PDE4D: variants seen among roughly 807,000 people sequenced by gnomAD.
PDE4D encodes the protein 3',5'-cyclic-AMP phosphodiesterase 4D.
A neutral mutation model predicts 87.4 loss-of-function variants in PDE4D; 24 were observed. The ratio of observed to expected loss-of-function variants is 0.27; its 90% CI spans 0.20 to 0.39. The LOEUF (loss-of-function observed/expected upper bound fraction) is 0.39. Ranked by LOEUF, PDE4D falls within the 10% of genes least tolerant of loss-of-function variation. The pLI, the probability that PDE4D is intolerant of heterozygous loss-of-function variation, is 1.00. For missense variants in PDE4D, 714 were observed against 1,041.0 expected (o/e 0.69, Z 4.32); for synonymous variants, 384 against 383.2 (o/e 1.00, Z -0.02).
intron 2 of PDE4D, among the ~76,000 whole-genome samples, chr5:60,022,253 C>T (rs951271627): frequency 2.0e-5 from 3 of 152,116 alleles, no homozygotes; most frequent in Non-Finnish European, 2.9e-5. Context: ...GGGCTAAAAA[C>T]GTTTTTGTAG....
chr5:59,156,714 A>T (rs1346402079), intron 5 of PDE4D, among the ~76,000 whole-genome samples: 3 of 152,112 alleles, frequency 2.0e-5, no homozygotes, highest in East Asian at 3.9e-4. Context: ...GCACAATTTT[A>T]AAAAATTGAA....
intron 1 of PDE4D, among the ~76,000 whole-genome samples, chr5:59,735,147 T>A (rs1286085537): frequency 6.6e-6 from 1 of 152,196 alleles, no homozygotes; most frequent in African/African-American, 2.4e-5. Flanking sequence ...TTCACTTGAA[T>A]GCCAATGGAA....
At chr5:59,679,076 C>G (rs945136182) in intron 1 of PDE4D, among the ~76,000 whole-genome samples, 6 of 152,136 alleles carry the variant, frequency 3.9e-5, no homozygotes, top group Non-Finnish European at 7.4e-5. Flanking sequence ...TTTATTTTCT[C>G]TCATGTGGCA....
At chr5:59,973,999 A>G (rs757010240) in intron 3 of PDE4D, among the ~76,000 whole-genome samples, 11 of 152,170 alleles carry the variant, frequency 7.2e-5, no homozygotes, top group Non-Finnish European at 1.5e-4. Flanking sequence ...ATAGGTTGCT[A>G]TGACTTAAAG....
intron 2 of PDE4D, among the ~76,000 whole-genome samples, chr5:60,154,494 T>C (rs2910837): frequency 6.6e-6 from 1 of 152,070 alleles, no homozygotes; most frequent in South Asian, 2.1e-4. Flanking sequence ...CAGGCTGGTC[T>C]GGAACTCCTG....
At chr5:60,041,840 C>A (rs377360826) in intron 2 of PDE4D, among the ~76,000 whole-genome samples, 18 of 152,094 alleles carry the variant, frequency 1.2e-4, no homozygotes, top group East Asian at 7.7e-4. Flanking sequence ...TCCTACACCA[C>A]CAGGATCCTG....
intron 1 of PDE4D, among the ~76,000 whole-genome samples, chr5:60,342,569 T>C (rs556928499): frequency 2.2e-4 from 33 of 152,300 alleles, no homozygotes; most frequent in African/African-American, 7.7e-4. Flanking sequence ...TATTATCTTT[T>C]ATTATTACTT....
intron 1 of PDE4D, among the ~76,000 whole-genome samples, chr5:59,350,814 G>A (rs1270762342): frequency 2.6e-5 from 4 of 152,146 alleles, no homozygotes; most frequent in Admixed American, 2.6e-4. Context: ...GAAGTAACTT[G>A]CCCAAAGTCT....
At chr5:59,071,062 C>A (rs553445611) in intron 5 of PDE4D, among the ~76,000 whole-genome samples, 52 of 152,300 alleles carry the variant, frequency 3.4e-4, no homozygotes, top group African/African-American at 1.2e-3. Flanking sequence ...ATTCCATGCT[C>A]ACTCTTGATC....
intron 1 of PDE4D, among the ~76,000 whole-genome samples, chr5:59,746,233 G>C (rs1363910045): frequency 6.6e-6 from 1 of 152,110 alleles, no homozygotes; most frequent in Non-Finnish European, 1.5e-5. Context: ...CTGCAAACTA[G>C]CAATTTCCCA....
intron 6 of PDE4D, among the ~76,000 whole-genome samples, chr5:59,027,417 C>T (rs956785591): frequency 6.6e-6 from 1 of 152,124 alleles, no homozygotes; most frequent in Non-Finnish European, 1.5e-5. Context: ...GCACAGCTCA[C>T]ACTTACGGTG....
intron 1 of PDE4D, among the ~76,000 whole-genome samples, chr5:59,875,973 G>A (rs147844020): frequency 1.4e-4 from 22 of 152,270 alleles, no homozygotes; most frequent in African/African-American, 5.3e-4. Context: ...CTGGAGGGTG[G>A]GAGGAGGGAG....
At chr5:59,750,495 C>T (rs906892179) in intron 1 of PDE4D, among the ~76,000 whole-genome samples, 6 of 152,140 alleles carry the variant, frequency 3.9e-5, no homozygotes, top group Admixed American at 6.5e-5. Flanking sequence ...TCATATAGCT[C>T]GTTCAGTCAT....
intron 5 of PDE4D, among the ~76,000 whole-genome samples, chr5:59,076,636 G>A (rs1765720453): frequency 6.6e-6 from 1 of 152,106 alleles, no homozygotes; most frequent in Non-Finnish European, 1.5e-5. Flanking sequence ...GCAAAGAATT[G>A]TTATTGAGCA....
chr5:58,975,897 AC>A lies in PDE4D; in HGVS notation c.1831-59del, dbSNP rs1469887361. The A allele has an allele frequency of 4.0e-6, 5 of 1,256,858 alleles. No individual in the cohort carries two copies. The highest frequency in any genetic ancestry group is 3.1e-5 in the African/African-American group (2 of 64,032). The allele number at this position is 1,256,858 out of a possible 1,614,324, so 77.9% of individuals were successfully genotyped here. On this transcript the variant is annotated intron_variant, in intron 13 of 14. Transcript: ENST00000340635. This position sits in a 1 kb window ranked among gnomAD's most constrained non-coding sequence, Gnocchi z 4.2. ...CTGTTCCTTTTTTTTAAAAAAAAAA[AC>A]AAAAAAAACTAGAAATTCACATTGG...
In PDE4D at chr5:59,053,645, G is replaced by GTTTTTTTTTTTTTTTTT. The variant is rs1338731940; in HGVS notation, c.809-14675_809-14674insAAAAAAAAAAAAAAAAA. ...TATGAATTAAGTTGTTTTGTTTTTT[G>GTTTTTTTTTTTTTTTTT]TTTTTTTTTGTTGTTGTTTTTTTTT... On this transcript the variant is annotated intron_variant, in intron 5 of 14. Coordinates refer to ENST00000340635, the MANE Select transcript of PDE4D (RefSeq NM_001104631.2). Among the ~76,000 whole-genome samples the GTTTTTTTTTTTTTTTTT allele has an allele frequency of 5.7e-4, 39 of 68,782 alleles. 1 individual carries two copies. Among genetic ancestry groups the GTTTTTTTTTTTTTTTTT allele is most frequent in the African/African-American group, 9.8e-4 (19 of 19,364 alleles). The allele number at this position is 68,782 out of a possible 152,430, so 45.1% of individuals were successfully genotyped here.
upstream of PDE4D, among the ~76,000 whole-genome samples, chr5:60,488,913 G>A (rs1749361640): frequency 6.6e-6 from 1 of 152,182 alleles, no homozygotes; most frequent in African/African-American, 2.4e-5. Flanking sequence ...AATCCTAAGA[G>A]AGAATCAATA....
At chr5:59,341,677 T>C (rs559746251) in intron 1 of PDE4D, among the ~76,000 whole-genome samples, 3 of 152,218 alleles carry the variant, frequency 2.0e-5, no homozygotes, top group Non-Finnish European at 4.4e-5. Context: ...TACATATATA[T>C]GCATGTATGT....
intron 5 of PDE4D, among the ~76,000 whole-genome samples, chr5:59,055,229 G>A (rs192081082): frequency 7.9e-5 from 12 of 152,178 alleles, no homozygotes; most frequent in East Asian, 3.9e-4. Context: ...ACACCTTTCC[G>A]TTTGGCCCTC....
Sources: allele counts gnomAD v4.1 joint callset (sites outside exome capture counted in the v4.1 genomes callset), GRCh38; gene constraint gnomAD v4.1.1; non-coding constraint Gnocchi (gnomAD v3.1); transcripts MANE v1.5; gene names NCBI Gene and HGNC (gene_info 2026-07-23, HGNC 2026-07-21).